POFUT3: variants seen among roughly 807,000 people sequenced by gnomAD.
POFUT3 encodes protein O-fucosyltransferase 3.
chr8:33,319,512 A>AT, the POFUT3 span, among the ~76,000 whole-genome samples: 3 of 23,482 alleles, frequency 1.3e-4, 1 homozygote, highest in Admixed American at 7.6e-4. Context: ...ATTTTTATAT[A>AT]TTATATAATA....
At chr8:33,435,829 A>G in the POFUT3 span, among the ~76,000 whole-genome samples, 1 of 151,746 alleles carries the variant, frequency 6.6e-6, no homozygotes, top group African/African-American at 2.4e-5. Flanking sequence ...TTTTGTTTTT[A>G]TATATTTTTT....
At chr8:33,312,243 C>G in the POFUT3 span, among the ~76,000 whole-genome samples, 1 of 143,230 alleles carries the variant, frequency 7.0e-6, no homozygotes, top group African/African-American at 2.7e-5. Flanking sequence ...GCCTGGGCAA[C>G]AGAGCAAGAC....
the POFUT3 span, among the ~76,000 whole-genome samples, chr8:33,422,226 T>G: frequency 6.7e-6 from 1 of 150,284 alleles, no homozygotes; most frequent in African/African-American, 2.5e-5. Flanking sequence ...AAGTGCGCCT[T>G]GTTTCCCCTT....
At chr8:33,324,065 G>A in the POFUT3 span, among the ~76,000 whole-genome samples, 1 of 152,136 alleles carries the variant, frequency 6.6e-6, no homozygotes, top group Non-Finnish European at 1.5e-5. Context: ...GAGGCTGATG[G>A]AAGCTTTTTC....
the POFUT3 span, among the ~76,000 whole-genome samples, chr8:33,364,655 C>T: frequency 1.3e-5 from 2 of 152,110 alleles, no homozygotes; most frequent in African/African-American, 4.8e-5. Context: ...GAGTGAACTC[C>T]CATTCACAAT....
the POFUT3 span, chr8:33,455,781 G>A: frequency 6.6e-6 from 3 of 455,876 alleles, no homozygotes; most frequent in South Asian, 3.1e-5. Flanking sequence ...TCTTTTATGT[G>A]CTCGCTGCTC....
At chr8:33,437,186 C>T in the POFUT3 span, among the ~76,000 whole-genome samples, 1 of 152,122 alleles carries the variant, frequency 6.6e-6, no homozygotes, top group South Asian at 2.1e-4. Context: ...TGGATTGATT[C>T]CATGTCTTTG....
the POFUT3 span, among the ~76,000 whole-genome samples, chr8:33,419,980 T>C: frequency 6.6e-6 from 1 of 151,796 alleles, no homozygotes; most frequent in Non-Finnish European, 1.5e-5. Context: ...ATACAAAAAT[T>C]AGCCAGGTGT....
chr8:33,460,208 G>T, the POFUT3 span, among the ~76,000 whole-genome samples: 4 of 149,952 alleles, frequency 2.7e-5, no homozygotes, highest in Non-Finnish European at 5.9e-5. Context: ...AAAAAAATTA[G>T]CCAGGCACCA....
the POFUT3 span, among the ~76,000 whole-genome samples, chr8:33,461,138 G>A: frequency 0.053 from 7,180 of 134,868 alleles, 309 homozygotes; most frequent in African/African-American, 0.12. Context: ...TCGGGCAACA[G>A]AGTGGTACTG....
At chr8:33,372,401 A>AC in the POFUT3 span, 1 of 1,380,130 alleles carries the variant, frequency 7.2e-7, no homozygotes, top group Non-Finnish European at 9.3e-7. Flanking sequence ...TATAGTGGCT[A>AC]CCCCTAAGGG....
chr8:33,461,452 T>A, the POFUT3 span: 5 of 1,613,624 alleles, frequency 3.1e-6, no homozygotes, highest in Non-Finnish European at 4.2e-6. Context: ...ATCCGCACCA[T>A]GCTGCCCTGC....
chr8:33,439,976 C>T, the POFUT3 span, among the ~76,000 whole-genome samples: 2 of 152,148 alleles, frequency 1.3e-5, no homozygotes, highest in South Asian at 4.1e-4. Context: ...ATGCTGCCTT[C>T]TTTCTCTTCC....
the POFUT3 span, among the ~76,000 whole-genome samples, chr8:33,462,200 C>T: frequency 2.4e-5 from 1 of 41,794 alleles, no homozygotes; most frequent in Non-Finnish European, 5.3e-5. Flanking sequence ...TACTCATGGC[C>T]ACACAGCCCA....
the POFUT3 span, among the ~76,000 whole-genome samples, chr8:33,413,240 G>C: frequency 3.6e-4 from 55 of 152,270 alleles, no homozygotes; most frequent in Admixed American, 1.4e-3. Context: ...GAGTCTTTGG[G>C]AGGTAATTAG....
the POFUT3 span, chr8:33,388,851 G>T: frequency 1.2e-6 from 1 of 848,992 alleles, no homozygotes; most frequent in Non-Finnish European, 2.0e-6. Context: ...CGGTCTTTCT[G>T]ATAGGAATGA....
the POFUT3 span, among the ~76,000 whole-genome samples, chr8:33,319,736 TTA>T: frequency 3.1e-5 from 2 of 64,662 alleles, 1 homozygote; most frequent in African/African-American, 1.7e-4. Context: ...AATGTATATT[TTA>T]TATATATTTA....
the POFUT3 span, among the ~76,000 whole-genome samples, chr8:33,334,688 G>A: frequency 6.6e-6 from 1 of 152,172 alleles, no homozygotes; most frequent in Non-Finnish European, 1.5e-5. Flanking sequence ...CGGGCTTTCT[G>A]GACATAAACA....
chr8:33,421,403 C>T, the POFUT3 span, among the ~76,000 whole-genome samples: 1 of 152,122 alleles, frequency 6.6e-6, no homozygotes, highest in Admixed American at 6.6e-5. Context: ...GATCTTCCAT[C>T]TCCTCCATGT....
Sources: gnomAD v4.1 joint callset for allele counts (sites outside exome capture counted in the v4.1 genomes callset) on GRCh38, gnomAD v4.1.1 for gene constraint, MANE v1.5 for transcripts, NCBI Gene and HGNC (gene_info 2026-07-23, HGNC 2026-07-21) for gene names.